The following SLC9D1 variants were observed in gnomAD, a reference collection of about 807,000 sequenced individuals.
SLC9D1 encodes putative LAG1-interacting protein.
chr13:113,543,864 C>T, the SLC9D1 span, among the ~76,000 whole-genome samples: 1 of 152,108 alleles, frequency 6.6e-6, no homozygotes, highest in Admixed American at 6.5e-5. Context: ...CATCATTCTA[C>T]GTGTTTTTGC....
At chr13:113,544,595 A>G in the SLC9D1 span, among the ~76,000 whole-genome samples, 21 of 152,236 alleles carry the variant, frequency 1.4e-4, no homozygotes, top group African/African-American at 4.6e-4. Context: ...AAAATCCTCC[A>G]GACCGGGCAC....
At chr13:113,524,459 T>C in the SLC9D1 span, among the ~76,000 whole-genome samples, 1 of 152,148 alleles carries the variant, frequency 6.6e-6, no homozygotes, top group Non-Finnish European at 1.5e-5. Flanking sequence ...CTCAGCCTCC[T>C]GAGTAGCTGG....
At chr13:113,529,297 A>G in the SLC9D1 span, 4 of 152,178 alleles carry the variant, frequency 2.6e-5, no homozygotes, top group Non-Finnish European at 5.9e-5. Flanking sequence ...AAGAAACAGA[A>G]TCGGGCCGGG....
chr13:113,544,260 TTC>T, the SLC9D1 span, among the ~76,000 whole-genome samples: 253 of 152,350 alleles, frequency 1.7e-3, 2 homozygotes, highest in African/African-American at 5.9e-3. Context: ...CAGGCTGTGC[TTC>T]TGAGTCGAGG....
the SLC9D1 span, among the ~76,000 whole-genome samples, chr13:113,502,740 G>T: frequency 6.6e-6 from 1 of 152,210 alleles, no homozygotes; most frequent in African/African-American, 2.4e-5. Context: ...GGAGGGAGGC[G>T]TGCCAGGGGG....
chr13:113,541,225 G>A, the SLC9D1 span, among the ~76,000 whole-genome samples: 2 of 151,912 alleles, frequency 1.3e-5, no homozygotes, highest in Non-Finnish European at 2.9e-5. Context: ...ATTATGCCAC[G>A]CACACGATTG....
At chr13:113,547,125 C>T in the SLC9D1 span, 3 of 606,332 alleles carry the variant, frequency 4.9e-6, no homozygotes, top group Middle Eastern at 3.9e-4. Flanking sequence ...TTCCCCGGTT[C>T]GCTCAGGAAA....
At chr13:113,522,073 G>T in the SLC9D1 span, among the ~76,000 whole-genome samples, 6 of 152,074 alleles carry the variant, frequency 3.9e-5, no homozygotes, top group Non-Finnish European at 8.8e-5. Context: ...GTTTCTTCTT[G>T]CCTTATTGCA....
At chr13:113,540,687 C>T in the SLC9D1 span, among the ~76,000 whole-genome samples, 2 of 152,242 alleles carry the variant, frequency 1.3e-5, no homozygotes, top group Non-Finnish European at 2.9e-5. Flanking sequence ...CGTAGGCTGT[C>T]TGCCCTGCTG....
At chr13:113,531,418 G>A in the SLC9D1 span, among the ~76,000 whole-genome samples, 1 of 152,202 alleles carries the variant, frequency 6.6e-6, no homozygotes, top group South Asian at 2.1e-4. Context: ...CCCCGTATGT[G>A]CAGATCAAGA....
the SLC9D1 span, among the ~76,000 whole-genome samples, chr13:113,499,113 A>G: frequency 1.3e-5 from 2 of 152,222 alleles, no homozygotes; most frequent in East Asian, 3.8e-4. Context: ...CACATAGGGT[A>G]ACTTCCAGAT....
chr13:113,491,411 T>TTCCC, the SLC9D1 span: 1 of 140,086 alleles, frequency 7.1e-6, no homozygotes, highest in Non-Finnish European at 1.5e-5. Flanking sequence ...CCTTCCTTCC[T>TTCCC]TCCCTCCCTC....
chr13:113,492,866 C>A, the SLC9D1 span, among the ~76,000 whole-genome samples: 41 of 152,252 alleles, frequency 2.7e-4, no homozygotes, highest in African/African-American at 9.9e-4. Flanking sequence ...ACACTGCACT[C>A]CAGCCTGGGT....
At chr13:113,547,643 G>T in the SLC9D1 span, among the ~76,000 whole-genome samples, 1 of 152,206 alleles carries the variant, frequency 6.6e-6, no homozygotes, top group Non-Finnish European at 1.5e-5. Context: ...CTCAGGACGG[G>T]CCTTGGCTGC....
the SLC9D1 span, among the ~76,000 whole-genome samples, chr13:113,502,387 G>A: frequency 6.6e-6 from 1 of 152,046 alleles, no homozygotes; most frequent in Non-Finnish European, 1.5e-5. Flanking sequence ...CTAATTTTTT[G>A]TATTTTTAGT....
chr13:113,549,499 G>C, the SLC9D1 span: 5 of 1,613,932 alleles, frequency 3.1e-6, no homozygotes, highest in Admixed American at 3.3e-5. Flanking sequence ...CTGCAATCAC[G>C]AGGTGTGTGC....
At chr13:113,543,492 C>G in the SLC9D1 span, among the ~76,000 whole-genome samples, 3 of 1,578 alleles carry the variant, frequency 1.9e-3, no homozygotes, top group South Asian at 0.021. Context: ...CCTCCTCCCC[C>G]TCCCCCCGCC....
the SLC9D1 span, among the ~76,000 whole-genome samples, chr13:113,518,671 C>T: frequency 1.2e-4 from 18 of 152,226 alleles, 1 homozygote; most frequent in South Asian, 2.5e-3. Flanking sequence ...AAGAGAGATG[C>T]GGTGACCACA....
At chr13:113,499,863 T>C in the SLC9D1 span, 2 of 643,794 alleles carry the variant, frequency 3.1e-6, no homozygotes, top group Non-Finnish European at 4.8e-6. Flanking sequence ...GAACACTGAT[T>C]GATGTATTTT....
Sources: allele counts gnomAD v4.1 joint callset (sites outside exome capture counted in the v4.1 genomes callset), GRCh38; gene constraint gnomAD v4.1.1; transcripts MANE v1.5; gene names NCBI Gene and HGNC (gene_info 2026-07-23, HGNC 2026-07-21).